Variants in SPATA45 observed in about 807,000 individuals in gnomAD.
The protein encoded by SPATA45 is spermatogenesis-associated protein 45.
SPATA45 carries 5 observed loss-of-function variants against 7.0 expected under a neutral mutation model. The observed-to-expected ratio is 0.71, with a 90% CI of 0.37 to 1.50. SPATA45 has a LOEUF of 1.50. Ranked by LOEUF, SPATA45 falls within the 40% of genes most tolerant of loss-of-function variation. The pLI is 0.03. For missense variants in SPATA45, 111 were observed against 114.9 expected, an observed-to-expected ratio of 0.97 and a Z score of 0.16; for synonymous variants, 40 against 38.7, an observed-to-expected ratio of 1.03 and a Z score of -0.13.
In SPATA45 at chr1:212,835,761, G is replaced by A. The variant is rs1377712964; in HGVS notation, c.277+112C>T. On this transcript the variant is annotated intron_variant, in intron 2 of 2. Coordinates refer to ENST00000332912, the MANE Select transcript of SPATA45 (RefSeq NM_001024601.3). ...TGAGACAGAAGAATCGCTTGAACCC[G>A]GGAGGTGGAGGTTGCAGTGAGCTGA... 16 of 938,430 alleles carry A rather than the reference G, an allele frequency of 1.7e-5. No individual in the cohort carries two copies. The East Asian group carries it at 2.5e-4, about 15-fold the overall frequency. The allele number at this position is 938,430 out of a possible 1,614,324, so 58.1% of individuals were successfully genotyped here. A position where few individuals can be genotyped will look rare whatever the true frequency, so the allele number is the denominator to read the frequency against.
chr1:212,833,988 A>T (rs1558095998), intron 2 of SPATA45, among the ~76,000 whole-genome samples: 1 of 151,728 alleles, frequency 6.6e-6, no homozygotes, highest in Non-Finnish European at 1.5e-5. Context: ...ATCTCAGGTG[A>T]TCCGCCCACC....
Position 212,846,460 on chromosome 1 carries a change from C to G in SPATA45, c.-39+1120G>C, listed in dbSNP as rs114275229. Among the ~76,000 whole-genome samples the G allele has an allele frequency of 3.8e-3, 580 of 152,264 alleles. 5 individuals are homozygous for G. Among genetic ancestry groups the G allele is most frequent in the African/African-American group, 0.014 (562 of 41,564 alleles). ...TATACATCTAGATGGTCTGAAGCAA[C>G]TGAATATCCACAAAAGACCTGAAAA... On this transcript the variant is annotated intron_variant, in intron 1 of 2. Transcript: ENST00000332912.
chr1:212,833,954 T>G (rs7548112), intron 2 of SPATA45, among the ~76,000 whole-genome samples: 3 of 151,942 alleles, frequency 2.0e-5, no homozygotes, highest in African/African-American at 7.2e-5. Context: ...TGATTTAAAG[T>G]GAGACGTAAT....
rs11809442 is a variant in SPATA45 at position 212,846,709 on chromosome 1, T to A, written c.-39+871A>T. 2.4e-3 allele frequency among the ~76,000 whole-genome samples: 369 copies of A among 152,282 alleles called. 1 individual carries two copies. The highest frequency in any genetic ancestry group is 8.2e-3 in the African/African-American group (339 of 41,562). ...AATCCCACCACCCTTTGCTAACTCC[T>A]TTTTTGGACTCGGCCCGCCTGCACC... On this transcript the variant is annotated intron_variant, in intron 1 of 2. Coordinates refer to ENST00000332912, the MANE Select transcript of SPATA45 (RefSeq NM_001024601.3).
intron 1 of SPATA45, among the ~76,000 whole-genome samples, chr1:212,846,201 C>A (rs890086621): frequency 5.3e-5 from 8 of 151,924 alleles, no homozygotes; most frequent in Non-Finnish European, 1.0e-4. Context: ...CCCCTTACCC[C>A]AAAATCTTTC....
Position 212,840,281 on chromosome 1 carries a change from G to A in SPATA45, c.-38-4094C>T, listed in dbSNP as rs1037697421. Reference sequence around the variant, plus strand: ...AAAACTTAGCCGGGCGTGGTGGCGCGCACCTGTAATCCCAGCTACTTGGAA... The same window carrying A: ...AAAACTTAGCCGGGCGTGGTGGCGCACACCTGTAATCCCAGCTACTTGGAA... On this transcript the variant is annotated intron_variant, in intron 1 of 2. Transcript: ENST00000332912. Among the ~76,000 whole-genome samples, 20 of 144,846 alleles carry A rather than the reference G, an allele frequency of 1.4e-4. 1 individual carries two copies. Among genetic ancestry groups the A allele is most frequent in the Non-Finnish European group, 1.7e-4 (11 of 63,348 alleles).
Position 212,836,937 on chromosome 1 carries a change from A to G in SPATA45, c.-38-750T>C, listed in dbSNP as rs759909914. 3.3e-5 allele frequency among the ~76,000 whole-genome samples: 5 copies of G among 151,102 alleles called. 1 individual carries two copies. Among genetic ancestry groups the G allele is most frequent in the Non-Finnish European group, 7.4e-5 (5 of 67,612 alleles). On this transcript the variant is annotated intron_variant, in intron 1 of 2. Coordinates refer to ENST00000332912, the MANE Select transcript of SPATA45 (RefSeq NM_001024601.3). ...CTCCCAAAGTGCTGGGATTACAGGC[A>G]TGAGCCACCGTACCCGGCCACACCT...
At chr1:212,831,163 AAAAG>A (rs568218724) in intron 2 of SPATA45, among the ~76,000 whole-genome samples, 2 of 150,548 alleles carry the variant, frequency 1.3e-5, no homozygotes, top group Non-Finnish European at 1.5e-5. Flanking sequence ...TAAAAAAAAA[AAAAG>A]AAAGAAAGAA....
rs183153009 is a variant in SPATA45, at chr1:212,844,122, G to A, written c.-39+3458C>T. Among the ~76,000 whole-genome samples, 160 of 152,254 alleles carry A rather than the reference G, an allele frequency of 1.1e-3. 1 individual carries two copies. The South Asian group carries it at 0.028, about 27-fold the overall frequency. Reference sequence around the variant, plus strand: ...TGGTCAGAATTCTTACACAAGAGCCGGGACTGCACCCTGTAGCCTTTTGGT... The same window carrying A: ...TGGTCAGAATTCTTACACAAGAGCCAGGACTGCACCCTGTAGCCTTTTGGT... On this transcript the variant is annotated intron_variant, in intron 1 of 2. Transcript: ENST00000332912.
At chr1:212,833,503 C>CAAAAAAAA (rs35760900) in intron 2 of SPATA45, among the ~76,000 whole-genome samples, 22 of 108,584 alleles carry the variant, frequency 2.0e-4, no homozygotes, top group Non-Finnish European at 3.0e-4. Flanking sequence ...TACTAAAATA[C>CAAAAAAAA]AAAAAAAAAA....
chr1:212,830,404 G>T, intron 2 of SPATA45, 143 bp from the exon 3 acceptor site: 1 of 510,310 alleles, frequency 2.0e-6, no homozygotes, highest in Non-Finnish European at 3.5e-6. Context: ...GGGTGCGGTG[G>T]CTCACACCTG....
At chr1:212,841,626 T>A (rs1300574771) in intron 1 of SPATA45, among the ~76,000 whole-genome samples, 1 of 123,334 alleles carries the variant, frequency 8.1e-6, no homozygotes, top group Non-Finnish European at 1.7e-5. Flanking sequence ...AGAAGAGGTA[T>A]CTTTCTTTTT....
At chr1:212,836,321 G>A (rs916337649) in intron 1 of SPATA45, 134 bp from the exon 2 acceptor site, 12 of 661,684 alleles carry the variant, frequency 1.8e-5, no homozygotes, top group East Asian at 5.7e-5. Context: ...CCCACCCCAC[G>A]CTTCACTTTT....
chr1:212,840,877 C>CA (rs1260133695), intron 1 of SPATA45, among the ~76,000 whole-genome samples: 1 of 152,176 alleles, frequency 6.6e-6, no homozygotes, highest in Non-Finnish European at 1.5e-5. Context: ...CTTGGCCTCC[C>CA]AAAGTGCTGG....
At chr1:212,834,219 G>C (rs1663547715) in intron 2 of SPATA45, among the ~76,000 whole-genome samples, 1 of 151,504 alleles carries the variant, frequency 6.6e-6, no homozygotes, top group African/African-American at 2.4e-5. Flanking sequence ...TCTCAAGTGT[G>C]GTGATTCTTT....
chr1:212,835,791 G>A (rs919783746), intron 2 of SPATA45, 82 bp downstream of exon 2: 27 of 1,233,638 alleles, frequency 2.2e-5, no homozygotes, highest in African/African-American at 7.6e-5. Flanking sequence ...AGCTGAGATC[G>A]CGCCACTGCA....
intron 1 of SPATA45, among the ~76,000 whole-genome samples, chr1:212,840,600 C>G (rs944252540): frequency 3.3e-5 from 5 of 150,758 alleles, no homozygotes; most frequent in African/African-American, 7.3e-5. Flanking sequence ...TTTGTACAGG[C>G]GTGGGCCACC....
intron 1 of SPATA45, among the ~76,000 whole-genome samples, chr1:212,844,714 A>C (rs1571994356): frequency 6.6e-6 from 1 of 151,780 alleles, no homozygotes; most frequent in Non-Finnish European, 1.5e-5. Context: ...ATTTATACTG[A>C]CTCTAAATAT....
chr1:212,835,800 C>T, intron 2 of SPATA45, 73 bp downstream of exon 2: 1 of 1,335,492 alleles, frequency 7.5e-7, no homozygotes, highest in Non-Finnish European at 1.0e-6. Flanking sequence ...CGCGCCACTG[C>T]ACTCCAGCCT....
Sources: allele counts gnomAD v4.1 joint callset (sites outside exome capture counted in the v4.1 genomes callset), GRCh38; gene constraint gnomAD v4.1.1; transcripts MANE v1.5; gene names NCBI Gene and HGNC (gene_info 2026-07-23, HGNC 2026-07-21).